NUTF2: variants seen among roughly 807,000 people sequenced by gnomAD.
NUTF2 encodes the protein placental protein 15.
NUTF2 carries 3 observed loss-of-function variants against 18.5 expected under a neutral mutation model. That is an observed-to-expected ratio of 0.16 (90% confidence interval 0.07 to 0.42). The LOEUF is 0.42. Among genes scored for constraint, NUTF2 ranks in the 10% least tolerant of loss-of-function variants. NUTF2 has a pLI of 0.99. For synonymous variants in NUTF2, 51 were observed against 57.9 expected (o/e 0.88, Z 0.54); for missense variants, 44 against 160.7 (o/e 0.27, Z 3.93).
intron 1 of NUTF2, among the ~76,000 whole-genome samples, chr16:67,860,970 T>C (rs1035340763): frequency 6.6e-6 from 1 of 152,248 alleles, no homozygotes; most frequent in African/African-American, 2.4e-5. Flanking sequence ...TGTGGAACTC[T>C]TCTGCCTGAG....
intron 1 of NUTF2, among the ~76,000 whole-genome samples, chr16:67,860,602 A>G (rs1336032313): frequency 6.6e-6 from 1 of 152,214 alleles, no homozygotes; most frequent in African/African-American, 2.4e-5. Flanking sequence ...CATGTTGGCT[A>G]TCAGTTTCCC....
chr16:67,871,596 C>T lies in NUTF2; in HGVS notation c.*683C>T, dbSNP rs2058013853. ...AAGCCTGTGCAGTCAGTTCTGATACCTCCTGTGACTTCTGCTCTGGGTAGG... is the reference window on the plus strand; with the variant it reads ...AAGCCTGTGCAGTCAGTTCTGATACTTCCTGTGACTTCTGCTCTGGGTAGG... On this transcript the variant is annotated 3_prime_UTR_variant, in exon 5 of 5. Coordinates refer to ENST00000219169, the MANE Select transcript of NUTF2 (RefSeq NM_005796.3). 2 of 152,390 alleles carry T rather than the reference C, an allele frequency of 1.3e-5. No individual in the cohort carries two copies. Among genetic ancestry groups the T allele is most frequent in the African/African-American group, 2.4e-5 (1 of 41,592 alleles). The allele number at this position is 152,390 out of a possible 1,614,324, so 9.4% of individuals were successfully genotyped here. A position where few individuals can be genotyped will look rare whatever the true frequency, so the allele number is the denominator to read the frequency against.
intron 1 of NUTF2, among the ~76,000 whole-genome samples, chr16:67,852,275 TG>T (rs1331568242): frequency 6.6e-6 from 1 of 151,876 alleles, no homozygotes; most frequent in Non-Finnish European, 1.5e-5. Context: ...CACTGTAGCC[TG>T]GGGACACTCT....
At chr16:67,850,319 C>T (rs575788261) in intron 1 of NUTF2, among the ~76,000 whole-genome samples, 14 of 151,954 alleles carry the variant, frequency 9.2e-5, no homozygotes, top group Non-Finnish European at 1.9e-4. Flanking sequence ...ATTCTCCTGC[C>T]TCAGCCTCCC....
chr16:67,858,132 C>G (rs888058893), intron 1 of NUTF2, among the ~76,000 whole-genome samples: 2 of 152,180 alleles, frequency 1.3e-5, no homozygotes, highest in African/African-American at 4.8e-5. Context: ...GAAAACAATA[C>G]AGGAGGCAAA....
chr16:67,851,210 C>T (rs1480468614), intron 1 of NUTF2, among the ~76,000 whole-genome samples: 3 of 147,276 alleles, frequency 2.0e-5, no homozygotes, highest in East Asian at 2.0e-4. Flanking sequence ...AGGCAGGGTG[C>T]GGTGGCTCAT....
At chr16:67,865,369 G>A in intron 2 of NUTF2, 140 bp downstream of exon 2, 1 of 601,604 alleles carries the variant, frequency 1.7e-6, no homozygotes. Flanking sequence ...CACGGGACAG[G>A]GGTCTGACGC....
At chr16:67,852,418 G>A (rs138350806) in intron 1 of NUTF2, among the ~76,000 whole-genome samples, 2 of 149,366 alleles carry the variant, frequency 1.3e-5, no homozygotes, top group African/African-American at 4.9e-5. Context: ...GTGCAGTGTC[G>A]CAGTCTCGGC....
rs540576933 is a variant in NUTF2 at position 67,850,079 on chromosome 16, A to C, written c.-30+3094A>C. On this transcript the variant is annotated intron_variant, in intron 1 of 4. Transcript: ENST00000219169. ...AGTGCTGGGATTACAGATGTGAACA[A>C]TTGCCCAGTGATCACAAGGGTTTTC... Among the ~76,000 whole-genome samples, 238 of 152,258 alleles carry C rather than the reference A, an allele frequency of 1.6e-3. 1 individual carries two copies. The highest frequency in any genetic ancestry group is 5.4e-3 in the African/African-American group (226 of 41,546).
chr16:67,868,662 C>A, intron 4 of NUTF2, 63 bp downstream of exon 4: 1 of 1,460,580 alleles, frequency 6.8e-7, no homozygotes. Flanking sequence ...TGTACCCCTG[C>A]TTTCCCTGTG....
intron 4 of NUTF2, chr16:67,870,587 C>T (rs929212993): frequency 5.2e-6 from 3 of 573,400 alleles, no homozygotes; most frequent in Non-Finnish European, 9.4e-6. Context: ...CACACATAGG[C>T]GTGGCTGATT....
intron 1 of NUTF2, among the ~76,000 whole-genome samples, chr16:67,856,536 T>C (rs1034048560): frequency 4.0e-5 from 6 of 149,210 alleles, no homozygotes; most frequent in Non-Finnish European, 7.4e-5. Context: ...GAGTCGGAGT[T>C]TTGCTCTCGT....
chr16:67,853,945 C>T (rs1350549783), intron 1 of NUTF2, among the ~76,000 whole-genome samples: 2 of 152,128 alleles, frequency 1.3e-5, no homozygotes, highest in African/African-American at 2.4e-5. Flanking sequence ...CCACGCCTGG[C>T]CTGTTGTGCA....
chr16:67,868,460 T>G (rs1170340975), intron 3 of NUTF2, 41 bp from the exon 4 acceptor site: 6 of 1,613,770 alleles, frequency 3.7e-6, no homozygotes, highest in Non-Finnish European at 5.1e-6. Context: ...TCCCACCCCT[T>G]CTGGCCTTGG....
At chr16:67,868,468 T>C (rs185747448) in intron 3 of NUTF2, 33 bp from the exon 4 acceptor site, 577 of 1,613,900 alleles carry the variant, frequency 3.6e-4, no homozygotes, top group South Asian at 8.8e-4. Context: ...CTTCTGGCCT[T>C]GGTTCTCCCA....
At chr16:67,856,300 C>A (rs2057896661) in intron 1 of NUTF2, among the ~76,000 whole-genome samples, 1 of 151,642 alleles carries the variant, frequency 6.6e-6, no homozygotes, top group Admixed American at 6.6e-5. Context: ...TCAAGCAATT[C>A]TCTGCCTCAG....
chr16:67,855,985 A>G (rs963203497), intron 1 of NUTF2: 7 of 1,228,406 alleles, frequency 5.7e-6, no homozygotes, highest in Non-Finnish European at 8.3e-6. Flanking sequence ...TCTTGGTGCC[A>G]GCGGCCTTGG....
At chr16:67,865,411 T>C (rs1268768689) in intron 2 of NUTF2, among the ~76,000 whole-genome samples, 182 bp downstream of exon 2, 2 of 152,198 alleles carry the variant, frequency 1.3e-5, no homozygotes, top group African/African-American at 2.4e-5. Context: ...TCTATACTTT[T>C]CCTTTTGTCA....
chr16:67,850,108 A>C (rs1481631571), intron 1 of NUTF2, among the ~76,000 whole-genome samples: 1 of 151,766 alleles, frequency 6.6e-6, no homozygotes, highest in Non-Finnish European at 1.5e-5. Context: ...GGTTTTCTTC[A>C]GGGACAAAAA....
Sources: allele counts gnomAD v4.1 joint callset (sites outside exome capture counted in the v4.1 genomes callset), GRCh38; gene constraint gnomAD v4.1.1; transcripts MANE v1.5; gene names NCBI Gene and HGNC (gene_info 2026-07-23, HGNC 2026-07-21).